VPS26B: variants seen among roughly 807,000 people sequenced by gnomAD.
VPS26B encodes vacuolar protein sorting-associated protein 26B.
Under a neutral mutation model 33.3 loss-of-function variants are expected in VPS26B, and 10 were observed. The ratio of observed to expected loss-of-function variants is 0.30; its 90% confidence interval spans 0.19 to 0.51. The LOEUF (loss-of-function observed/expected upper bound fraction) is 0.51, where lower values mean the gene tolerates loss of function less well. Among genes scored for constraint, VPS26B ranks in the 20% least tolerant of loss-of-function variants. The pLI, the probability that VPS26B is intolerant of heterozygous loss-of-function variation, is 0.98. For missense variants in VPS26B, 317 were observed against 452.7 expected, an observed-to-expected ratio of 0.70 and a Z score of 2.72; for synonymous variants, 190 against 176.9, an observed-to-expected ratio of 1.07 and a Z score of -0.59.
chr11:134,228,568 G>T (rs1938512352), intron 1 of VPS26B, among the ~76,000 whole-genome samples: 1 of 152,186 alleles, frequency 6.6e-6, no homozygotes, highest in Non-Finnish European at 1.5e-5. Context: ...AAGGGAGTTT[G>T]TGTTCCTGAA....
chr11:134,242,540 T>C (rs1421225824), intron 3 of VPS26B, among the ~76,000 whole-genome samples: 1 of 152,158 alleles, frequency 6.6e-6, no homozygotes, highest in Non-Finnish European at 1.5e-5. Flanking sequence ...ACCCTGAGGG[T>C]CAGGAAGTGT....
chr11:134,225,105 G>C lies in VPS26B; in HGVS notation c.-18G>C. On this transcript the variant is annotated 5_prime_UTR_variant, in exon 1 of 6. Coordinates refer to ENST00000281187, the MANE Select transcript of VPS26B (RefSeq NM_052875.5). ...GAGGGAGCGGTCCTTACCGAGACCC[G>C]CCCGGCCCGGCGGTGCGATGAGCTT... 4 of 1,585,198 alleles carry C rather than the reference G, an allele frequency of 2.5e-6. No homozygotes were observed. Among genetic ancestry groups the C allele is most frequent in the Non-Finnish European group, 3.4e-6 (4 of 1,164,010 alleles).
At chr11:134,242,623 C>T (rs750508224) in intron 3 of VPS26B, among the ~76,000 whole-genome samples, 3 of 152,240 alleles carry the variant, frequency 2.0e-5, no homozygotes, top group African/African-American at 4.8e-5. Flanking sequence ...GCGCTGATGC[C>T]GAGAGTGATT....
chr11:134,226,328 C>T (rs1297320296), intron 1 of VPS26B, among the ~76,000 whole-genome samples: 1 of 152,100 alleles, frequency 6.6e-6, no homozygotes, highest in African/African-American at 2.4e-5. Context: ...ATTGTTTGAA[C>T]CCAGGAGTTC....
At chr11:134,237,325 G>T (rs1301564865) in intron 2 of VPS26B, among the ~76,000 whole-genome samples, 1 of 152,184 alleles carries the variant, frequency 6.6e-6, no homozygotes, top group Admixed American at 6.5e-5. Flanking sequence ...AGTGAGGAAT[G>T]TAACAGACAC....
rs1311673169 is a variant in VPS26B at position 134,224,955 on chromosome 11, C to G, written c.-168C>G. The stretch of plus-strand genomic sequence containing the variant: ...CGGCCGTGCCCCTCCCCCGTGGAGC[C>G]GGCTGTCCGTCGGCGCCCACTGCCC... On this transcript the variant is annotated 5_prime_UTR_variant, in exon 1 of 6. Coordinates refer to ENST00000281187, the MANE Select transcript of VPS26B (RefSeq NM_052875.5). The G allele has an allele frequency of 2.6e-6, 1 of 389,852 alleles. No individual in the cohort carries two copies. The highest frequency in any genetic ancestry group is 2.1e-5 in the African/African-American group (1 of 46,628). 24.1% of individuals were successfully genotyped at this position (389,852 alleles called of 1,614,324 possible).
intron 1 of VPS26B, among the ~76,000 whole-genome samples, chr11:134,229,114 C>T (rs938733186): frequency 6.6e-6 from 1 of 152,222 alleles, no homozygotes; most frequent in Admixed American, 6.5e-5. Context: ...ACTGCAGCCT[C>T]AACCCCCTGG....
chr11:134,225,489 GC>G, intron 1 of VPS26B, 144 bp downstream of exon 1: 2 of 805,820 alleles, frequency 2.5e-6, no homozygotes, highest in East Asian at 5.4e-5. Flanking sequence ...TACAAGTCCC[GC>G]CCGTGGGCGA....
At chr11:134,234,353 A>G (rs1938600593) in intron 1 of VPS26B, among the ~76,000 whole-genome samples, 1 of 152,216 alleles carries the variant, frequency 6.6e-6, no homozygotes, top group Non-Finnish European at 1.5e-5. Flanking sequence ...GCATTATACC[A>G]GCTGATAGAA....
At chr11:134,243,552 G>A (rs911508866) in intron 4 of VPS26B, 5 of 438,786 alleles carry the variant, frequency 1.1e-5, no homozygotes, top group Non-Finnish European at 2.0e-5. Flanking sequence ...TTGTACTGAA[G>A]ATTGAACCTC....
intron 1 of VPS26B, among the ~76,000 whole-genome samples, chr11:134,227,006 G>A (rs1173950860): frequency 2.0e-5 from 3 of 152,150 alleles, no homozygotes; most frequent in East Asian, 3.9e-4. Flanking sequence ...TCCTGCTTCT[G>A]GGTTCAATGG....
chr11:134,244,818 G>A lies in VPS26B; in HGVS notation c.722-120G>A. 1.4e-6 allele frequency: 2 copies of A among 1,379,336 alleles called. No individual in the cohort carries two copies. Among genetic ancestry groups the A allele is most frequent in the Non-Finnish European group, 9.6e-7 (1 of 1,042,080 alleles). 85.4% of individuals were successfully genotyped at this position (1,379,336 alleles called of 1,614,324 possible). On this transcript the variant is annotated intron_variant, in intron 4 of 5. Coordinates refer to ENST00000281187, the MANE Select transcript of VPS26B (RefSeq NM_052875.5). The surrounding 1 kb of genome is among the most constrained non-coding windows in gnomAD (Gnocchi z 4.0). ...GCAGCAGAGCGACTGCACCTTCCCA[G>A]AAGGCTGAAGTGCTCGTGTGCTGCA...
chr11:134,242,680 G>A (rs1015659088), intron 3 of VPS26B, among the ~76,000 whole-genome samples: 23 of 152,342 alleles, frequency 1.5e-4, no homozygotes, highest in African/African-American at 5.1e-4. Context: ...GGCCTAGAGC[G>A]GACAGAACTG....
chr11:134,228,322 C>G (rs1938508033), intron 1 of VPS26B, among the ~76,000 whole-genome samples: 1 of 150,804 alleles, frequency 6.6e-6, no homozygotes, highest in Non-Finnish European at 1.5e-5. Flanking sequence ...GGATGTATTT[C>G]TTGATCAAGA....
chr11:134,235,035 G>T lies in VPS26B; in HGVS notation c.362G>T (p.Gly121Val). The T allele has an allele frequency of 6.2e-7, 1 of 1,613,938 alleles. No individual in the cohort carries two copies. Among genetic ancestry groups the T allele is most frequent in the South Asian group, 1.1e-5 (1 of 91,048 alleles). The change falls in exon 2 of 6, where the codon GGG becomes GTG. Residue 121 changes from glycine (G) to valine (V), a missense_variant. Coordinates refer to ENST00000281187, the MANE Select transcript of VPS26B (RefSeq NM_052875.5). ...HVEKPYESYTGQNVKLRYFLR... is the reference protein window; with the variant it reads ...HVEKPYESYTVQNVKLRYFLR... Reference sequence around the variant, plus strand: ...GAGAAGCCGTATGAGTCCTACACAGGGCAGAATGTGAAGCTACGGTAAGTG... The same window carrying T: ...GAGAAGCCGTATGAGTCCTACACAGTGCAGAATGTGAAGCTACGGTAAGTG...
intron 1 of VPS26B, among the ~76,000 whole-genome samples, chr11:134,231,566 G>T (rs987622223): frequency 1.8e-4 from 27 of 151,830 alleles, no homozygotes; most frequent in African/African-American, 5.6e-4. Context: ...CTCTTTGGAG[G>T]GCTTTTTTTT....
intron 2 of VPS26B, 128 bp downstream of exon 2, chr11:134,235,181 C>T (rs1938613353): frequency 1.4e-5 from 17 of 1,241,360 alleles, no homozygotes; most frequent in African/African-American, 3.0e-5. Context: ...CGAGCTGTGG[C>T]GTGCTGGTAA....
chr11:134,232,714 TCTC>T (rs1163856367), intron 1 of VPS26B, among the ~76,000 whole-genome samples: 1 of 152,200 alleles, frequency 6.6e-6, no homozygotes, highest in Non-Finnish European at 1.5e-5. Flanking sequence ...ATCCTTTTCT[TCTC>T]CTCTTCCTCT....
chr11:134,245,042 C>G lies in VPS26B; in HGVS notation c.826C>G (p.Leu276Val). ...TGTGCGCTATTACCTCAACCTGGTG[C>G]TGATAGACGAGGAGGAGCGGCGCTA... Reference protein sequence around the residue: ...FSVRYYLNLVLIDEEERRYFK... With the variant: ...FSVRYYLNLVVIDEEERRYFK... The change falls in exon 5 of 6, where the codon CTG becomes GTG. Residue 276 changes from leucine to valine, a missense_variant. Physicochemically the swap from Leu to Val is conservative, Grantham distance 32 (BLOSUM62 1). Transcript: ENST00000281187. The surrounding 1 kb of genome is among the most constrained non-coding windows in gnomAD (Gnocchi z 4.7). 1 of 1,614,174 alleles carries G rather than the reference C, an allele frequency of 6.2e-7. No individual in the cohort carries two copies. Among genetic ancestry groups the G allele is most frequent in the Non-Finnish European group, 8.5e-7 (1 of 1,180,042 alleles).
Sources: allele counts gnomAD v4.1 joint callset (sites outside exome capture counted in the v4.1 genomes callset), GRCh38; gene constraint gnomAD v4.1.1; non-coding constraint Gnocchi (gnomAD v3.1); transcripts MANE v1.5; gene names NCBI Gene and HGNC (gene_info 2026-07-23, HGNC 2026-07-21).